HDAC8: variants seen among roughly 807,000 people sequenced by gnomAD.
HDAC8 encodes the protein histone deacetylase 8.
A neutral mutation model predicts 32.2 loss-of-function variants in HDAC8; 1 was observed. The ratio of observed to expected loss-of-function variants is 0.03; its 90% confidence interval spans 0.01 to 0.15. HDAC8 has a LOEUF of 0.15. HDAC8 is among the 10% of genes least tolerant of loss of function. The pLI is 1.00. For synonymous variants in HDAC8, 108 were observed against 113.9 expected, an observed-to-expected ratio of 0.95 and a Z score of 0.33; for missense variants, 117 against 300.0, an observed-to-expected ratio of 0.39 and a Z score of 4.51.
At chrX:72,425,234 A>C (rs782165209) in intron 9 of HDAC8, among the ~76,000 whole-genome samples, 65 of 112,494 alleles carry the variant, frequency 5.8e-4, no homozygotes, top group Non-Finnish European at 9.6e-4. Context: ...TTTTAATAAT[A>C]GACAACCTAA....
At chrX:72,437,213 G>A (rs1555979564) in intron 9 of HDAC8, among the ~76,000 whole-genome samples, 1 of 111,697 alleles carries the variant, frequency 9.0e-6, no homozygotes, top group East Asian at 2.8e-4. Flanking sequence ...GTGGGGTGTT[G>A]CCTCACCTGG....
intron 9 of HDAC8, among the ~76,000 whole-genome samples, chrX:72,368,972 T>C (rs1179851829): frequency 8.9e-6 from 1 of 112,052 alleles, no homozygotes; most frequent in Non-Finnish European, 1.9e-5. Flanking sequence ...ACCTTGGTTC[T>C]GGCAAGCTGC....
At chrX:72,363,715 G>T (rs932899119) in intron 9 of HDAC8, among the ~76,000 whole-genome samples, 63 of 111,237 alleles carry the variant, frequency 5.7e-4, no homozygotes, top group African/African-American at 2.0e-3. Context: ...GGGATTACAG[G>T]CGTGGACCAC....
At chrX:72,339,498 G>A (rs2043832105) in intron 10 of HDAC8, among the ~76,000 whole-genome samples, 1 of 112,530 alleles carries the variant, frequency 8.9e-6, no homozygotes, top group Non-Finnish European at 1.9e-5. Context: ...TTATTGAAGG[G>A]CAAAGGAGGG....
At chrX:72,470,193 C>CATACATACATAA (rs1555996905) in intron 7 of HDAC8, among the ~76,000 whole-genome samples, 1 of 107,942 alleles carries the variant, frequency 9.3e-6, no homozygotes, top group East Asian at 2.8e-4. Context: ...TACATACATA[C>CATACATACATAA]ATACATACAT....
intron 2 of HDAC8, among the ~76,000 whole-genome samples, chrX:72,571,384 A>G (rs2052039682): frequency 1.8e-5 from 2 of 110,191 alleles, no homozygotes; most frequent in South Asian, 7.8e-4. Flanking sequence ...ACCTTTTTGT[A>G]TGAGACAGGT....
intron 4 of HDAC8, among the ~76,000 whole-genome samples, chrX:72,542,522 G>A (rs2147463383): frequency 8.9e-6 from 1 of 112,018 alleles, no homozygotes; most frequent in South Asian, 3.8e-4. Context: ...CTTTCCCAGA[G>A]AATGAGGCGG....
chrX:72,484,183 C>T (rs185035133), intron 7 of HDAC8, among the ~76,000 whole-genome samples: 1 of 111,771 alleles, frequency 8.9e-6, no homozygotes, highest in Non-Finnish European at 1.9e-5. Flanking sequence ...TTGAGCTATA[C>T]AATATAAGCC....
intron 9 of HDAC8, among the ~76,000 whole-genome samples, chrX:72,385,396 C>T (rs1335527873): frequency 5.4e-5 from 6 of 110,232 alleles, no homozygotes; most frequent in African/African-American, 1.3e-4. Flanking sequence ...CATAGGAGGT[C>T]GAGGCTACAG....
At chrX:72,333,620 G>A (rs1021349354) in intron 10 of HDAC8, among the ~76,000 whole-genome samples, 4 of 108,447 alleles carry the variant, frequency 3.7e-5, no homozygotes, top group Non-Finnish European at 7.7e-5. Context: ...GAACCTGGGA[G>A]GTGGAGGTTG....
At chrX:72,341,944 T>A (rs1555945218) in intron 10 of HDAC8, among the ~76,000 whole-genome samples, 1 of 111,891 alleles carries the variant, frequency 8.9e-6, no homozygotes, top group Non-Finnish European at 1.9e-5. Flanking sequence ...CTGGAGAAAA[T>A]CAATTTGTTT....
intron 6 of HDAC8, 47 bp from the exon 7 acceptor site, chrX:72,489,088 C>T (rs201828126): frequency 1.1e-3 from 986 of 899,369 alleles, no homozygotes; most frequent in Non-Finnish European, 1.4e-3. Flanking sequence ...AACATGAGAA[C>T]CCAGAAAACT....
intron 4 of HDAC8, among the ~76,000 whole-genome samples, chrX:72,554,235 G>A (rs1216293541): frequency 4.5e-5 from 5 of 111,061 alleles, no homozygotes; most frequent in South Asian, 3.8e-4. Flanking sequence ...GCTCCTGCTC[G>A]GATGGACAGA....
At chrX:72,345,688 A>T (rs983277221) in intron 10 of HDAC8, among the ~76,000 whole-genome samples, 8 of 110,386 alleles carry the variant, frequency 7.2e-5, no homozygotes, top group East Asian at 2.8e-4. Context: ...ATTAAAAAAA[A>T]TTTTTTTTTG....
At chrX:72,443,307 TA>T (rs1224866711) in intron 9 of HDAC8, among the ~76,000 whole-genome samples, 3 of 110,213 alleles carry the variant, frequency 2.7e-5, no homozygotes, top group Non-Finnish European at 5.7e-5. Flanking sequence ...TCAGCAAATG[TA>T]AAAGAACAGA....
rs180861138 is a variant in HDAC8 at position 72,456,766 on chromosome X, T to A, written c.1005+5238A>T. Among the ~76,000 whole-genome samples, 22 of 110,941 alleles carry A rather than the reference T, an allele frequency of 2.0e-4. No homozygotes were observed. In the East Asian group the frequency reaches 5.4e-3, roughly 27 times the overall value. On this transcript the variant is annotated intron_variant, in intron 9 of 10. Coordinates refer to ENST00000373573, the MANE Select transcript of HDAC8 (RefSeq NM_018486.3). The stretch of plus-strand genomic sequence containing the variant: ...GTGAGCCAAGATTGCACCACTGCAC[T>A]CCAGCCTGGGCGACACAGCAAGATT...
intron 4 of HDAC8, among the ~76,000 whole-genome samples, chrX:72,536,034 T>C (rs1461650689): frequency 8.9e-6 from 1 of 111,839 alleles, no homozygotes; most frequent in African/African-American, 3.2e-5. Context: ...GGTTAACAGA[T>C]TATATAATCA....
chrX:72,425,322 T>G (rs781809318), intron 9 of HDAC8, among the ~76,000 whole-genome samples: 1 of 112,165 alleles, frequency 8.9e-6, no homozygotes, highest in Non-Finnish European at 1.9e-5. Flanking sequence ...ATTTGCTCAG[T>G]TGCTGTAAAC....
At chrX:72,439,342 C>A (rs1215293341) in intron 9 of HDAC8, among the ~76,000 whole-genome samples, 2 of 111,352 alleles carry the variant, frequency 1.8e-5, no homozygotes, top group African/African-American at 6.5e-5. Context: ...AAAACCAGTA[C>A]CAGCCACTGC....
Sources: allele counts gnomAD v4.1 joint callset (sites outside exome capture counted in the v4.1 genomes callset), GRCh38; gene constraint gnomAD v4.1.1; transcripts MANE v1.5; gene names NCBI Gene and HGNC (gene_info 2026-07-23, HGNC 2026-07-21).